KPNA4: variants seen among roughly 807,000 people sequenced by gnomAD.
KPNA4 encodes importin subunit alpha-3.
Under a neutral mutation model 71.3 loss-of-function variants are expected in KPNA4, and 13 were observed. The observed-to-expected ratio is 0.18, with a 90% CI of 0.12 to 0.29. The LOEUF (loss-of-function observed/expected upper bound fraction) is 0.29, where lower values mean the gene tolerates loss of function less well. KPNA4 is among the 10% of genes least tolerant of loss of function. The pLI, the probability that KPNA4 is intolerant of heterozygous loss-of-function variation, is 1.00. For missense variants in KPNA4, 334 were observed against 603.2 expected (o/e 0.55, Z 4.67); for synonymous variants, 189 against 195.2 (o/e 0.97, Z 0.26).
intron 5 of KPNA4, among the ~76,000 whole-genome samples, chr3:160,534,674 G>A (rs1313980856): frequency 4.6e-5 from 6 of 129,890 alleles, no homozygotes; most frequent in South Asian, 2.5e-4. Flanking sequence ...CTGAGATTGC[G>A]CCACTGGACT....
intron 7 of KPNA4, 25 bp downstream of exon 7, chr3:160,530,830 T>C (rs1272225387): frequency 1.3e-6 from 2 of 1,508,778 alleles, no homozygotes; most frequent in Non-Finnish European, 9.1e-7. Flanking sequence ...AAAATCACAA[T>C]TATGTTTATT....
Position 160,497,833 on chromosome 3 carries a change from T to C in KPNA4, c.*4271A>G, listed in dbSNP as rs1388593715. 6.6e-6 allele frequency: 1 copy of C among 152,176 alleles called. No individual in the cohort carries two copies. Among genetic ancestry groups the C allele is most frequent in the Non-Finnish European group, 1.5e-5 (1 of 68,026 alleles). The allele number at this position is 152,176 out of a possible 1,614,324, so 9.4% of individuals were successfully genotyped here. ...AAACCCGAGGAGTTAACAATTAAAG[T>C]TGGCCTATTTATAGTTCACTTTAAT... On this transcript the variant is annotated 3_prime_UTR_variant, in exon 17 of 17. Transcript: ENST00000334256.
chr3:160,518,427 G>A lies in KPNA4; in HGVS notation c.904-2847C>T, dbSNP rs192004033. On this transcript the variant is annotated intron_variant, in intron 11 of 16. Transcript: ENST00000334256. ...TGGGATTACAGGCGTGAGCCACCGC[G>A]CCCGGCCTATTCTGAGTTTTTGCAT... Among the ~76,000 whole-genome samples the A allele has an allele frequency of 5.0e-3, 749 of 150,666 alleles. 6 individuals are homozygous for A. The highest frequency in any genetic ancestry group is 0.018 in the African/African-American group (721 of 41,062).
At chr3:160,563,609 A>G (rs943010968) in intron 1 of KPNA4, among the ~76,000 whole-genome samples, 3 of 152,112 alleles carry the variant, frequency 2.0e-5, no homozygotes, top group Non-Finnish European at 4.4e-5. Flanking sequence ...CCTAATTGCT[A>G]TTTTTCTGGA....
intron 8 of KPNA4, among the ~76,000 whole-genome samples, chr3:160,526,766 G>A (rs544677427): frequency 8.5e-5 from 13 of 152,332 alleles, no homozygotes; most frequent in African/African-American, 2.9e-4. Context: ...ATAAGTGAAA[G>A]CACCTTCCCT....
intron 1 of KPNA4, among the ~76,000 whole-genome samples, chr3:160,554,698 C>T (rs1722102884): frequency 6.6e-6 from 1 of 152,078 alleles, no homozygotes; most frequent in Non-Finnish European, 1.5e-5. Context: ...AAGCTGATCA[C>T]CAATTGTTAA....
intron 15 of KPNA4, among the ~76,000 whole-genome samples, chr3:160,507,732 T>A (rs1721015464): frequency 6.6e-6 from 1 of 152,234 alleles, no homozygotes; most frequent in South Asian, 2.1e-4. Flanking sequence ...CCAGCTCAGG[T>A]GCACTTCCTG....
At chr3:160,513,249 GTTTT>G (rs946090860) in intron 13 of KPNA4, among the ~76,000 whole-genome samples, 5 of 80,626 alleles carry the variant, frequency 6.2e-5, no homozygotes, top group South Asian at 4.9e-4. Context: ...CTACTTTGTG[GTTTT>G]TTTTTTTTTT....
rs557544786 is a variant in KPNA4, at chr3:160,560,386, G to A, written c.69+4828C>T. Among the ~76,000 whole-genome samples, 352 of 152,146 alleles carry A rather than the reference G, an allele frequency of 2.3e-3. 2 individuals carry two copies. Among genetic ancestry groups the A allele is most frequent in the African/African-American group, 7.8e-3 (325 of 41,562 alleles). On this transcript the variant is annotated intron_variant, in intron 1 of 16. Transcript: ENST00000334256. ...GTAGGTGCTCAGAAAGTTCCCTTCA[G>A]TCATATTCCTCTTTTCTGTTCCAAA...
chr3:160,557,189 C>G (rs1722154228), intron 1 of KPNA4, among the ~76,000 whole-genome samples: 2 of 152,048 alleles, frequency 1.3e-5, no homozygotes, highest in African/African-American at 4.8e-5. Flanking sequence ...GGACCAGTAA[C>G]AGCTTAAAGT....
intron 10 of KPNA4, among the ~76,000 whole-genome samples, chr3:160,522,857 C>G (rs527351496): frequency 6.8e-6 from 1 of 147,680 alleles, no homozygotes; most frequent in African/African-American, 2.5e-5. Context: ...ACAAAAAATA[C>G]GTACTTCACT....
At chr3:160,565,143 A>T in intron 1 of KPNA4, 71 bp downstream of exon 1, 2 of 1,327,906 alleles carry the variant, frequency 1.5e-6, no homozygotes, top group Non-Finnish European at 2.1e-6. Context: ...TAATCCCCAC[A>T]CTCGGGGTCC....
chr3:160,560,659 T>C (rs1183752819), intron 1 of KPNA4, among the ~76,000 whole-genome samples: 1 of 152,078 alleles, frequency 6.6e-6, no homozygotes. Flanking sequence ...CTTCCCAATC[T>C]TGTACATTCA....
At chr3:160,510,581 A>G (rs1721070549) in intron 13 of KPNA4, among the ~76,000 whole-genome samples, 1 of 152,190 alleles carries the variant, frequency 6.6e-6, no homozygotes, top group East Asian at 1.9e-4. Context: ...AACCACATAA[A>G]TAAAAGAAAT....
intron 15 of KPNA4, among the ~76,000 whole-genome samples, chr3:160,506,697 T>C (rs769189779): frequency 6.6e-6 from 1 of 152,208 alleles, no homozygotes; most frequent in Admixed American, 6.5e-5. Flanking sequence ...TTTTAGTAAT[T>C]AAAATGTTTA....
At chr3:160,515,065 T>A in intron 12 of KPNA4, 1 of 519,366 alleles carries the variant, frequency 1.9e-6, no homozygotes, top group Non-Finnish European at 3.8e-6. Context: ...AATATCAGCA[T>A]CACCAGTCAG....
intron 12 of KPNA4, 127 bp from the exon 13 acceptor site, chr3:160,514,308 C>T: frequency 3.3e-6 from 2 of 607,400 alleles, no homozygotes; most frequent in Non-Finnish European, 5.4e-6. Flanking sequence ...ATAAAAATCT[C>T]AGGAATCTCA....
At chr3:160,565,108 G>A (rs542751068) in intron 1 of KPNA4, 106 bp downstream of exon 1, 2 of 916,006 alleles carry the variant, frequency 2.2e-6, no homozygotes, top group Non-Finnish European at 3.5e-6. Flanking sequence ...GCCATTCCCC[G>A]AGGCCTGGAG....
At chr3:160,524,243 C>T (rs903666303) in intron 10 of KPNA4, among the ~76,000 whole-genome samples, 1 of 152,196 alleles carries the variant, frequency 6.6e-6, no homozygotes, top group Non-Finnish European at 1.5e-5. Context: ...GTGGAAAGAA[C>T]ACAATCTATC....
Sources: gnomAD v4.1 joint callset for allele counts (sites outside exome capture counted in the v4.1 genomes callset) on GRCh38, gnomAD v4.1.1 for gene constraint, MANE v1.5 for transcripts, NCBI Gene and HGNC (gene_info 2026-07-23, HGNC 2026-07-21) for gene names.